L3MBTL4: variants seen among roughly 807,000 people sequenced by gnomAD.
L3MBTL4 encodes the protein lethal(3)malignant brain tumor-like protein 4.
L3MBTL4 carries 70 observed loss-of-function variants against 84.5 expected under a neutral mutation model. That is an observed-to-expected ratio of 0.83 (90% CI 0.68 to 1.01). The LOEUF is 1.01. Among genes scored for constraint, L3MBTL4 ranks in the 50% least tolerant of loss-of-function variants. The pLI, the probability that L3MBTL4 is intolerant of heterozygous loss-of-function variation, is 0.00. For synonymous variants in L3MBTL4, 274 were observed against 259.8 expected, an observed-to-expected ratio of 1.05 and a Z score of -0.52; for missense variants, 715 against 754.8, an observed-to-expected ratio of 0.95 and a Z score of 0.62.
chr18:6,350,997 G>A (rs1002741620), intron 1 of L3MBTL4, among the ~76,000 whole-genome samples: 5 of 152,162 alleles, frequency 3.3e-5, no homozygotes, highest in African/African-American at 1.2e-4. Flanking sequence ...TTCAAGACCA[G>A]CCTAGCCAAC....
At chr18:6,232,721 G>A (rs1168222550) in intron 10 of L3MBTL4, among the ~76,000 whole-genome samples, 2 of 151,670 alleles carry the variant, frequency 1.3e-5, no homozygotes, top group African/African-American at 4.8e-5. Flanking sequence ...TATTTTCTTT[G>A]TTATGTCTGA....
At chr18:6,041,389 G>C (rs988174175) in intron 16 of L3MBTL4, among the ~76,000 whole-genome samples, 8 of 151,388 alleles carry the variant, frequency 5.3e-5, no homozygotes, top group Non-Finnish European at 1.2e-4. Flanking sequence ...CAATGGACTG[G>C]CCCCCCCTAA....
At chr18:6,044,779 T>C (rs2056544242) in intron 16 of L3MBTL4, among the ~76,000 whole-genome samples, 1 of 152,224 alleles carries the variant, frequency 6.6e-6, no homozygotes, top group African/African-American at 2.4e-5. Flanking sequence ...GCCTTCACCA[T>C]GTCTTCTTCC....
chr18:6,243,279 T>A lies in L3MBTL4; in HGVS notation c.460+15A>T. 1 of 1,511,110 alleles carries A rather than the reference T, an allele frequency of 6.6e-7. No homozygotes were observed. The highest frequency in any genetic ancestry group is 8.8e-7 in the Non-Finnish European group (1 of 1,130,150). 93.6% of individuals were successfully genotyped at this position (1,511,110 alleles called of 1,614,324 possible). A position where few individuals can be genotyped will look rare whatever the true frequency, so the allele number is the denominator to read the frequency against. On this transcript the variant is annotated intron_variant, in intron 7 of 18. Coordinates refer to ENST00000317931, the MANE Select transcript of L3MBTL4 (RefSeq NM_001330559.2). The stretch of plus-strand genomic sequence containing the variant: ...ATTGATTCTCTTTCCAGTTGGTAAA[T>A]GTATCCTGGCTTACCCTTAGGGATG...
chr18:6,365,247 A>G (rs1343603321), intron 1 of L3MBTL4, among the ~76,000 whole-genome samples: 1 of 152,200 alleles, frequency 6.6e-6, no homozygotes. Flanking sequence ...ATGTATAAAC[A>G]TTATGTTTTA....
intron 14 of L3MBTL4, among the ~76,000 whole-genome samples, chr18:6,110,177 C>T (rs779293652): frequency 1.3e-5 from 2 of 152,212 alleles, no homozygotes; most frequent in Non-Finnish European, 2.9e-5. Flanking sequence ...CCATTTACAT[C>T]TCAGACCCCT....
rs186833628 is a variant in L3MBTL4 at position 6,333,345 on chromosome 18, C to T, written c.-90-21289G>A. On this transcript the variant is annotated intron_variant, in intron 1 of 18. Coordinates refer to ENST00000317931, the MANE Select transcript of L3MBTL4 (RefSeq NM_001330559.2). ...ATCCCAACACTTTGGGAGGCTGAGG[C>T]GGGCAGATCACGAGGTCAAGAGATC... 6.6e-4 allele frequency among the ~76,000 whole-genome samples: 101 copies of T among 152,086 alleles called. 1 individual carries two copies. The South Asian group carries it at 0.011, about 17-fold the overall frequency.
At chr18:6,091,524 T>C (rs2058457526) in intron 15 of L3MBTL4, among the ~76,000 whole-genome samples, 1 of 152,212 alleles carries the variant, frequency 6.6e-6, no homozygotes, top group Admixed American at 6.5e-5. Flanking sequence ...TCTGCTTGAT[T>C]ATCAACTAAC....
At chr18:6,295,391 G>A in intron 4 of L3MBTL4, among the ~76,000 whole-genome samples, 1 of 124,046 alleles carries the variant, frequency 8.1e-6, no homozygotes, top group Admixed American at 9.1e-5. Flanking sequence ...ATGAATACAA[G>A]CACTTGGCCT....
intron 12 of L3MBTL4, among the ~76,000 whole-genome samples, chr18:6,191,308 C>T (rs891737851): frequency 2.6e-5 from 4 of 151,928 alleles, no homozygotes; most frequent in Non-Finnish European, 5.9e-5. Flanking sequence ...GGGAAAGAGG[C>T]CTGCTTCTGT....
intron 5 of L3MBTL4, among the ~76,000 whole-genome samples, chr18:6,250,678 C>G (rs976921988): frequency 6.6e-6 from 1 of 152,088 alleles, no homozygotes; most frequent in Non-Finnish European, 1.5e-5. Flanking sequence ...GCCACCGAGG[C>G]ACACATTTTA....
At chr18:6,158,632 T>G (rs946184357) in intron 13 of L3MBTL4, among the ~76,000 whole-genome samples, 1 of 152,198 alleles carries the variant, frequency 6.6e-6, no homozygotes, top group African/African-American at 2.4e-5. Flanking sequence ...GGCATCTATT[T>G]ATAAATAGGA....
chr18:5,964,055 G>A (rs550755265), intron 17 of L3MBTL4, among the ~76,000 whole-genome samples: 521 of 152,344 alleles, frequency 3.4e-3, no homozygotes, highest in Non-Finnish European at 5.4e-3. Flanking sequence ...CATGGGGGCT[G>A]CCATGTGGGT....
intron 5 of L3MBTL4, among the ~76,000 whole-genome samples, chr18:6,250,181 A>C (rs938637361): frequency 6.6e-6 from 1 of 152,254 alleles, no homozygotes. Flanking sequence ...CTAATAAAGG[A>C]AAAGAAACAT....
intron 16 of L3MBTL4, among the ~76,000 whole-genome samples, chr18:6,040,063 A>G (rs1466486552): frequency 6.6e-6 from 1 of 152,226 alleles, no homozygotes; most frequent in Admixed American, 6.5e-5. Context: ...TACAGTAGGA[A>G]ACATGAGAAA....
chr18:6,259,308 T>C (rs1317164279), intron 5 of L3MBTL4: 1 of 152,256 alleles, frequency 6.6e-6, no homozygotes, highest in Non-Finnish European at 1.5e-5. Context: ...ATGTCTTTGC[T>C]ATAGTGAATA....
At chr18:6,368,292 C>T (rs77384273) in intron 1 of L3MBTL4, among the ~76,000 whole-genome samples, 11 of 152,100 alleles carry the variant, frequency 7.2e-5, no homozygotes, top group African/African-American at 2.7e-4. Flanking sequence ...ACTTGGGGTG[C>T]GAGCAAGGGA....
chr18:6,054,005 A>G (rs1052925123), intron 16 of L3MBTL4, among the ~76,000 whole-genome samples: 3 of 152,174 alleles, frequency 2.0e-5, no homozygotes, highest in Non-Finnish European at 2.9e-5. Context: ...AGCAAACACA[A>G]CACCTCTCTT....
At chr18:6,056,822 G>A (rs984860020) in intron 16 of L3MBTL4, among the ~76,000 whole-genome samples, 1 of 152,124 alleles carries the variant, frequency 6.6e-6, no homozygotes, top group African/African-American at 2.4e-5. Flanking sequence ...GTGACGTTGG[G>A]TAAATCACCT....
Sources: allele counts gnomAD v4.1 joint callset (sites outside exome capture counted in the v4.1 genomes callset), GRCh38; gene constraint gnomAD v4.1.1; transcripts MANE v1.5; gene names NCBI Gene and HGNC (gene_info 2026-07-23, HGNC 2026-07-21).